The following SERPIND1 variants were observed in gnomAD, a reference collection of about 807,000 sequenced individuals.
SERPIND1 encodes the protein heparin cofactor 2.
A neutral mutation model predicts 35.0 loss-of-function variants in SERPIND1; 34 were observed. That is an observed-to-expected ratio of 0.97 (90% confidence interval 0.74 to 1.29). The LOEUF (loss-of-function observed/expected upper bound fraction) is 1.29. SERPIND1 is among the 50% of genes most tolerant of loss of function. SERPIND1 has a pLI of 0.00. For missense variants in SERPIND1, 633 were observed against 637.7 expected (o/e 0.99, Z 0.08); for synonymous variants, 236 against 241.1 (o/e 0.98, Z 0.19).
chr22:20,779,389 ATC>A lies in SERPIND1; in HGVS notation c.78_79del (p.Asp26GlufsTer21). The stretch of plus-strand genomic sequence containing the variant: ...TGGGGTGGGAGCAAAGGCCCGCTGG[ATC>A]AGCTAGAGAAAGGAGGGGAAACTGC... On this transcript the variant is annotated frameshift_variant, in exon 2 of 5. Transcript: ENST00000215727. LOFTEE classifies it high-confidence loss of function. 1 of 1,614,248 alleles carries A rather than the reference ATC, an allele frequency of 6.2e-7. No homozygotes were observed.
At chr22:20,779,122 T>C (rs1173201457) in intron 1 of SERPIND1, 175 bp from the exon 2 acceptor site, 10 of 1,430,784 alleles carry the variant, frequency 7.0e-6, no homozygotes, top group East Asian at 5.0e-5. Flanking sequence ...ACATCAAAGG[T>C]TGGGTGTCTA....
chr22:20,779,220 G>GAACC (rs760606918), intron 1 of SERPIND1, 77 bp from the exon 2 acceptor site: 75 of 1,604,598 alleles, frequency 4.7e-5, no homozygotes, highest in Non-Finnish European at 6.2e-5. Context: ...AAGCCACAGG[G>GAACC]AACCTGCCAT....
intron 2 of SERPIND1, 86 bp downstream of exon 2, chr22:20,780,287 G>A (rs1933667059): frequency 9.5e-6 from 15 of 1,585,850 alleles, no homozygotes; most frequent in Non-Finnish European, 1.3e-5. Flanking sequence ...GAACTGTACT[G>A]TAGCTATAAT....
chr22:20,774,737 G>C (rs1034229957), intron 1 of SERPIND1, among the ~76,000 whole-genome samples: 2 of 145,374 alleles, frequency 1.4e-5, no homozygotes, highest in Non-Finnish European at 3.0e-5. Flanking sequence ...CTCCAGCCTG[G>C]ACAACAGAGT....
Position 20,780,040 on chromosome 22 carries a change from AT to A in SERPIND1, c.730del (p.Tyr244ThrfsTer7). The stretch of plus-strand genomic sequence containing the variant: ...GACTTCAAAACTAAAGTAAGAGAGT[AT>A]TACTTTGCTGAGGCCCAGATAGCTG... The part of the protein sequence containing the change: ...LLDFKTKVRE[Y>X]YFAEAQIADF... On this transcript the variant is annotated frameshift_variant, in exon 2 of 5. Coordinates refer to ENST00000215727, the MANE Select transcript of SERPIND1 (RefSeq NM_000185.4). LOFTEE classifies it high-confidence loss of function. The A allele has an allele frequency of 2.5e-6, 4 of 1,614,138 alleles. No homozygotes were observed. The highest frequency in any genetic ancestry group is 3.4e-6 in the Non-Finnish European group (4 of 1,180,010).
At position 20,784,135 on chromosome 22, in the gene SERPIND1, G is replaced by A. The variant is rs754404216; in HGVS notation, c.1053G>A (p.Gly351=). 5.6e-6 allele frequency: 9 copies of A among 1,614,184 alleles called. No homozygotes were observed. Among genetic ancestry groups the A allele is most frequent in the South Asian group, 1.1e-5 (1 of 91,086 alleles). The change falls in exon 3 of 5, where the codon GGG becomes GGA. Residue 351 remains glycine (G), a synonymous_variant. Transcript: ENST00000215727. ...ACATCCTCCAGCTGGAATACGTGGG[G>A]GGCATCAGCATGCTAATTGTGGTCC... ...DCDILQLEYV[G]GISMLIVVPH... is the part of the protein sequence containing the mutation.
chr22:20,776,495 T>C (rs1388092455), intron 1 of SERPIND1, among the ~76,000 whole-genome samples: 2 of 152,144 alleles, frequency 1.3e-5, no homozygotes, highest in Non-Finnish European at 2.9e-5. Flanking sequence ...TCAAAAGTCT[T>C]TCTTAGTTGT....
At chr22:20,781,982 G>A (rs1379403790) in intron 2 of SERPIND1, among the ~76,000 whole-genome samples, 2 of 152,148 alleles carry the variant, frequency 1.3e-5, no homozygotes, top group Non-Finnish European at 2.9e-5. Flanking sequence ...CGAATTTGAG[G>A]GAATGAAACT....
chr22:20,782,178 C>T (rs975943657), intron 2 of SERPIND1, among the ~76,000 whole-genome samples: 9 of 152,186 alleles, frequency 5.9e-5, no homozygotes, highest in African/African-American at 2.2e-4. Flanking sequence ...ACCAAAGAGC[C>T]TCTGCATTAG....
At position 20,787,017 on chromosome 22, in the gene SERPIND1, C is replaced by A. The variant is rs748085550; in HGVS notation, c.1451C>A (p.Thr484Asn). 1.9e-6 allele frequency: 3 copies of A among 1,614,082 alleles called. No individual in the cohort carries two copies. Among genetic ancestry groups the A allele is most frequent in the Non-Finnish European group, 2.5e-6 (3 of 1,180,052 alleles). The change falls in exon 5 of 5, where the codon ACC becomes AAC. Residue 484 changes from threonine to asparagine, a missense_variant. Thr to Asn is a moderately conservative substitution (Grantham distance 65, BLOSUM62 0). Transcript: ENST00000215727. ...CTTTTCCTCATCTACGAGCATCGCA[C>A]CAGCTGCCTGCTCTTCATGGGAAGA... Reference protein sequence around the residue: ...PFLFLIYEHRTSCLLFMGRVA... With the variant: ...PFLFLIYEHRNSCLLFMGRVA...
rs376828409 is a variant in SERPIND1 at position 20,784,217 on chromosome 22, G to A, written c.1135G>A (p.Glu379Lys). 7 of 1,613,998 alleles carry A rather than the reference G, an allele frequency of 4.3e-6. No homozygotes were observed. Among genetic ancestry groups the A allele is most frequent in the Middle Eastern group, 3.3e-4 (2 of 6,082 alleles). ...LEAQLTPRVV[E>K]RWQKSMTNRT... is the part of the protein sequence containing the mutation. Reference sequence around the variant, plus strand: ...AGCGCAACTGACACCCCGGGTGGTGGAGAGATGGCAAAAAAGCATGACAAA... The same window carrying A: ...AGCGCAACTGACACCCCGGGTGGTGAAGAGATGGCAAAAAAGCATGACAAA... The change falls in exon 3 of 5, where the codon GAG becomes AAG. Residue 379 changes from glutamate (E) to lysine (K), a missense_variant. Physicochemically the swap from Glu to Lys is moderately conservative, Grantham distance 56. Coordinates refer to ENST00000215727, the MANE Select transcript of SERPIND1 (RefSeq NM_000185.4).
intron 1 of SERPIND1, among the ~76,000 whole-genome samples, chr22:20,778,572 A>G (rs1933491210): frequency 6.6e-6 from 1 of 152,184 alleles, no homozygotes; most frequent in South Asian, 2.1e-4. Context: ...AACAACCCCA[A>G]AGATTGCACA....
At chr22:20,785,215 G>A (rs961499787) in intron 3 of SERPIND1, among the ~76,000 whole-genome samples, 3 of 151,964 alleles carry the variant, frequency 2.0e-5, no homozygotes, top group African/African-American at 7.3e-5. Context: ...GACTACAGGC[G>A]TGCACCTTCA....
chr22:20,777,905 C>A (rs1173492742), intron 1 of SERPIND1, among the ~76,000 whole-genome samples: 2 of 152,148 alleles, frequency 1.3e-5, no homozygotes, highest in Admixed American at 6.5e-5. Context: ...TGCCATAATG[C>A]CTCTGTGCTA....
At chr22:20,777,591 T>C (rs1009337225) in intron 1 of SERPIND1, among the ~76,000 whole-genome samples, 8 of 152,210 alleles carry the variant, frequency 5.3e-5, no homozygotes, top group Non-Finnish European at 1.2e-4. Context: ...TGGGCTCAAG[T>C]GATCTTCCTG....
intron 1 of SERPIND1, among the ~76,000 whole-genome samples, chr22:20,776,659 G>A (rs1038899199): frequency 1.3e-5 from 2 of 152,208 alleles, no homozygotes; most frequent in Admixed American, 6.5e-5. Context: ...AAGGCTGAGC[G>A]CTTGATGTGG....
intron 3 of SERPIND1, among the ~76,000 whole-genome samples, chr22:20,785,604 G>A (rs1370110635): frequency 6.6e-6 from 1 of 152,074 alleles, no homozygotes; most frequent in Non-Finnish European, 1.5e-5. Flanking sequence ...ATACAGGAAA[G>A]GTTCTTTTTA....
At chr22:20,782,461 T>C (rs1314496909) in intron 2 of SERPIND1, among the ~76,000 whole-genome samples, 1 of 152,224 alleles carries the variant, frequency 6.6e-6, no homozygotes, top group Non-Finnish European at 1.5e-5. Context: ...TGTCTAGAAG[T>C]GTAATTTTAA....
Position 20,780,152 on chromosome 22 carries a change from T to C in SERPIND1, c.840T>C (p.Asn280=), listed in dbSNP as rs752293104. 2 of 1,614,208 alleles carry C rather than the reference T, an allele frequency of 1.2e-6. No individual in the cohort carries two copies. The highest frequency in any genetic ancestry group is 1.7e-6 in the Non-Finnish European group (2 of 1,180,038). ...GCCTCATAAAAGATGCTCTGGAGAATATAGACCCTGCTACCCAGATGATGA... is the reference window on the plus strand; with the variant it reads ...GCCTCATAAAAGATGCTCTGGAGAACATAGACCCTGCTACCCAGATGATGA... ...TKGLIKDALE[N]IDPATQMMIL... Residue 280 remains asparagine (N), a synonymous_variant, in exon 2 of 5, where the codon AAT becomes AAC. Transcript: ENST00000215727.
Sources: gnomAD v4.1 joint callset for allele counts (sites outside exome capture counted in the v4.1 genomes callset) on GRCh38, gnomAD v4.1.1 for gene constraint, MANE v1.5 for transcripts, NCBI Gene and HGNC (gene_info 2026-07-23, HGNC 2026-07-21) for gene names.